The following RGS12 variants were observed in gnomAD, a reference collection of about 807,000 sequenced individuals.
RGS12 encodes regulator of G protein signaling 12.
A neutral mutation model predicts 120.1 loss-of-function variants in RGS12; 66 were observed. The observed-to-expected ratio is 0.55, with a 90% CI of 0.45 to 0.67. RGS12 has a LOEUF of 0.67. RGS12 is among the 30% of genes least tolerant of loss of function. The pLI, the probability that RGS12 is intolerant of heterozygous loss-of-function variation, is 0.00. For synonymous variants in RGS12, 827 were observed against 804.7 expected (o/e 1.03, Z -0.47); for missense variants, 1,859 against 1,957.7 (o/e 0.95, Z 0.95).
chr4:3,322,656 A>G (rs963515392), intron 2 of RGS12, among the ~76,000 whole-genome samples: 4 of 152,188 alleles, frequency 2.6e-5, no homozygotes, highest in Non-Finnish European at 5.9e-5. Context: ...TTTCCATACA[A>G]TGGATTTTGG....
intron 1 of RGS12, among the ~76,000 whole-genome samples, chr4:3,298,174 T>C (rs1435457354): frequency 6.6e-6 from 1 of 152,214 alleles, no homozygotes; most frequent in African/African-American, 2.4e-5. Context: ...CTTCCGTTTA[T>C]TGTGCTGGGC....
intron 13 of RGS12, among the ~76,000 whole-genome samples, chr4:3,424,844 C>T (rs1293220104): frequency 6.6e-6 from 1 of 152,256 alleles, no homozygotes; most frequent in East Asian, 1.9e-4. Context: ...CCCCGCAGGG[C>T]CCACCACGCC....
In RGS12 at chr4:3,428,222, C is replaced by A. The variant is rs149629037; in HGVS notation, c.3411+53C>A. On this transcript the variant is annotated intron_variant, in intron 15 of 17. Coordinates refer to ENST00000336727, the MANE Select transcript of RGS12 (RefSeq NM_001394154.1). Reference sequence around the variant, plus strand: ...GCCCTGCTCCTCTCGCTGTGGCCCCCGCCTGCCCTGCGCAGTGCCCTGGTG... The same window carrying A: ...GCCCTGCTCCTCTCGCTGTGGCCCCAGCCTGCCCTGCGCAGTGCCCTGGTG... 696 of 1,495,012 alleles carry A rather than the reference C, an allele frequency of 4.7e-4. 2 individuals are homozygous for A. The highest frequency in any genetic ancestry group is 1.5e-3 in the Admixed American group (91 of 59,868). 92.6% of individuals were successfully genotyped at this position (1,495,012 alleles called of 1,614,324 possible).
chr4:3,399,196 A>G (rs1037130197), intron 4 of RGS12, among the ~76,000 whole-genome samples: 3 of 152,236 alleles, frequency 2.0e-5, no homozygotes, highest in African/African-American at 4.8e-5. Flanking sequence ...GTTTGAAAAT[A>G]TAGGAAATAA....
Position 3,407,814 on chromosome 4 carries a change from C to T in RGS12, c.2021-6258C>T, listed in dbSNP as rs369958681. Among the ~76,000 whole-genome samples the T allele has an allele frequency of 7.3e-4, 111 of 152,338 alleles. No homozygotes were observed. The South Asian group carries it at 0.022, about 30-fold the overall frequency. Reference sequence around the variant, plus strand: ...CCCGGGCCGTGTGTTACAGAACTAACTGCAAACTTTTCATCTTACGGTATT... The same window carrying T: ...CCCGGGCCGTGTGTTACAGAACTAATTGCAAACTTTTCATCTTACGGTATT... On this transcript the variant is annotated intron_variant, in intron 4 of 17. Transcript: ENST00000336727.
In RGS12 at chr4:3,405,845, G is replaced by A. The variant is rs150537380; in HGVS notation, c.2021-8227G>A. On this transcript the variant is annotated intron_variant, in intron 4 of 17. Coordinates refer to ENST00000336727, the MANE Select transcript of RGS12 (RefSeq NM_001394154.1). ...GGACATTTGGTGAATCTGGGCAAAC[G>A]GATATGGGAGTCCCTTTTATTATTC... is the stretch of plus-strand genomic sequence containing the variant. 1.3e-3 allele frequency among the ~76,000 whole-genome samples: 203 copies of A among 152,260 alleles called. 3 individuals carry two copies. The highest frequency in any genetic ancestry group is 4.3e-3 in the African/African-American group (178 of 41,556).
chr4:3,417,182 G>A (rs1396493746), intron 8 of RGS12, 90 bp downstream of exon 8: 27 of 1,408,290 alleles, frequency 1.9e-5, no homozygotes, highest in African/African-American at 4.3e-5. Flanking sequence ...AGGCCCTGTC[G>A]GCGTCTTCAC....
chr4:3,428,581 G>A lies in RGS12; in HGVS notation c.3435G>A (p.Lys1145=). 1.2e-6 allele frequency: 2 copies of A among 1,600,648 alleles called. No individual in the cohort carries two copies. The highest frequency in any genetic ancestry group is 2.2e-5 in the East Asian group (1 of 44,806). The part of the protein sequence containing the change: ...SATGEERTLG[K]SNSIKIKGEN... The stretch of plus-strand genomic sequence containing the variant: ...AGGGAGAGGAAAGAACACTAGGCAA[G>A]TCTAATTCTATTAAAATAAAAGGAG... The change falls in exon 16 of 18, where the codon AAG becomes AAA. Residue 1145 remains lysine, a synonymous_variant. Transcript: ENST00000336727.
chr4:3,412,797 C>A (rs1721877281), intron 4 of RGS12, among the ~76,000 whole-genome samples: 1 of 152,290 alleles, frequency 6.6e-6, no homozygotes, highest in Non-Finnish European at 1.5e-5. Flanking sequence ...CAGGGCATGG[C>A]TCAGCTGCAG....
At chr4:3,301,770 G>C (rs1233762638) in intron 1 of RGS12, among the ~76,000 whole-genome samples, 2 of 152,054 alleles carry the variant, frequency 1.3e-5, no homozygotes, top group South Asian at 2.1e-4. Context: ...ATGAAGGGGT[G>C]GGGGGCGCAG....
Position 3,318,014 on chromosome 4 carries a change from C to A in RGS12, c.1844C>A (p.Pro615His). The A allele has an allele frequency of 1.2e-6, 2 of 1,608,204 alleles. No homozygotes were observed. Among genetic ancestry groups the A allele is most frequent in the Non-Finnish European group, 1.7e-6 (2 of 1,177,148 alleles). The change falls in exon 2 of 18, where the codon CCC (proline) becomes CAC (histidine). Residue 615 changes from proline to histidine, a missense_variant. Around this residue, in one of 3 missense-constraint regions of RGS12, gnomAD observed 967 missense variants for 994.2 expected, o/e 0.97. Transcript: ENST00000336727. Reference sequence around the variant, plus strand: ...TTTGGAATGCAAAGCATTTTTGGTCCCCATCGAAATGTTCGAAAGACTAAG... The same window carrying A: ...TTTGGAATGCAAAGCATTTTTGGTCACCATCGAAATGTTCGAAAGACTAAG... Reference protein sequence around the residue: ...KAFGMQSIFGPHRNVRKTKED... With the variant: ...KAFGMQSIFGHHRNVRKTKED...
intron 15 of RGS12, 97 bp downstream of exon 15, chr4:3,428,266 A>G (rs1481755728): frequency 2.7e-6 from 3 of 1,128,272 alleles, no homozygotes; most frequent in Admixed American, 3.4e-5. Context: ...CCGCCTGCTT[A>G]TCACTGTGTG....
At chr4:3,417,253 C>A in intron 8 of RGS12, 135 bp from the exon 9 acceptor site, 1 of 1,297,270 alleles carries the variant, frequency 7.7e-7, no homozygotes, top group Non-Finnish European at 1.0e-6. Flanking sequence ...CCTGTCAGGG[C>A]CACACCATGA....
intron 1 of RGS12, among the ~76,000 whole-genome samples, chr4:3,311,189 C>T (rs1339831490): frequency 2.0e-5 from 3 of 152,196 alleles, no homozygotes; most frequent in Non-Finnish European, 4.4e-5. Flanking sequence ...AGGACGGCGT[C>T]TCTCTCGCCT....
chr4:3,398,405 G>C (rs531781763), intron 4 of RGS12, among the ~76,000 whole-genome samples: 15 of 152,168 alleles, frequency 9.9e-5, no homozygotes, highest in African/African-American at 3.4e-4. Flanking sequence ...AGCTGAGGCA[G>C]GAGGCTCACT....
At chr4:3,351,819 C>T (rs903799318) in intron 3 of RGS12, among the ~76,000 whole-genome samples, 1 of 152,048 alleles carries the variant, frequency 6.6e-6, no homozygotes, top group Non-Finnish European at 1.5e-5. Context: ...GTTTAAGAAT[C>T]CCATTTCATT....
At chr4:3,386,519 C>A in intron 4 of RGS12, 82 bp downstream of exon 4, 1 of 1,228,066 alleles carries the variant, frequency 8.1e-7, no homozygotes. Flanking sequence ...CATTTGATGC[C>A]CTCAGGAAGG....
chr4:3,292,755 C>A (rs1560631343), upstream of RGS12, among the ~76,000 whole-genome samples: 1 of 152,252 alleles, frequency 6.6e-6, no homozygotes, highest in Non-Finnish European at 1.5e-5. Flanking sequence ...ACCGTGCGCA[C>A]CAGCGCCGCC....
intron 17 of RGS12, among the ~76,000 whole-genome samples, chr4:3,439,087 T>G (rs570036327): frequency 6.9e-6 from 1 of 144,882 alleles, no homozygotes; most frequent in South Asian, 2.2e-4. Flanking sequence ...GCCCTGGGCC[T>G]GGGGGGGCCC....
Sources: gnomAD v4.1 joint callset for allele counts (sites outside exome capture counted in the v4.1 genomes callset) on GRCh38, gnomAD v4.1.1 for gene constraint, gnomAD v4.1.1 regional missense constraint, MANE v1.5 for transcripts, NCBI Gene and HGNC (gene_info 2026-07-23, HGNC 2026-07-21) for gene names.